SPG7: variants seen among roughly 807,000 people sequenced by gnomAD.
The protein encoded by SPG7 is SPG7 matrix AAA peptidase subunit, paraplegin, also known as mitochondrial inner membrane m-AAA protease component paraplegin.
Under a neutral mutation model 81.9 loss-of-function variants are expected in SPG7, and 103 were observed. That is an observed-to-expected ratio of 1.26 (90% CI 1.07 to 1.48). The LOEUF (loss-of-function observed/expected upper bound fraction) is 1.48. Among genes scored for constraint, SPG7 ranks in the 40% most tolerant of loss-of-function variants. The probability of loss-of-function intolerance (pLI) is 0.00; values close to 1 mark genes in which losing one functional copy is unlikely to be tolerated. For synonymous variants in SPG7, 534 were observed against 444.2 expected (o/e 1.20, Z -2.54); for missense variants, 1,241 against 1,087.3 (o/e 1.14, Z -1.99).
chr16:89,527,953 C>T (rs897422664), intron 5 of SPG7, among the ~76,000 whole-genome samples: 1 of 151,860 alleles, frequency 6.6e-6, no homozygotes, highest in Admixed American at 6.6e-5. Flanking sequence ...AAAGATGCAC[C>T]TTTAATTCTA....
At chr16:89,536,856 G>A in intron 9 of SPG7, 1 of 1,614,164 alleles carries the variant, frequency 6.2e-7, no homozygotes, top group Non-Finnish European at 8.5e-7. Flanking sequence ...AGCCCACAGG[G>A]TCACGGAGGG....
intron 9 of SPG7, chr16:89,541,127 T>C (rs1024037684): frequency 3.1e-6 from 3 of 980,778 alleles, no homozygotes; most frequent in African/African-American, 1.8e-5. Context: ...GAAACTGGTG[T>C]ATCCTTATCA....
At chr16:89,556,816 C>T (rs1597668473) in intron 16 of SPG7, 71 bp from the exon 17 acceptor site, 2 of 1,269,140 alleles carry the variant, frequency 1.6e-6, no homozygotes, top group South Asian at 1.2e-5. Flanking sequence ...CGCCTCTTGC[C>T]ACCTCCCCAG....
At chr16:89,542,386 T>G (rs1402627170) in intron 9 of SPG7, 1 of 152,164 alleles carries the variant, frequency 6.6e-6, no homozygotes, top group Non-Finnish European at 1.5e-5. Context: ...ACAAGGCACT[T>G]GTGCTTCTGC....
rs925748573 is a variant in SPG7, at chr16:89,513,998, C to T, written c.376+961C>T. Among the ~76,000 whole-genome samples, 5 of 152,196 alleles carry T rather than the reference C, an allele frequency of 3.3e-5. No homozygotes were observed. The East Asian group carries it at 9.6e-4, about 29-fold the overall frequency. On this transcript the variant is annotated intron_variant, in intron 3 of 16. Transcript: ENST00000645818. Reference sequence around the variant, plus strand: ...TTCTTGATTGATTTTGTGTGAGACGCTGCATTTGCCAAGGCCAGGGACAGC... The same window carrying T: ...TTCTTGATTGATTTTGTGTGAGACGTTGCATTTGCCAAGGCCAGGGACAGC...
Position 89,557,367 on chromosome 16 carries a change from G to A in SPG7, c.*274G>A, listed in dbSNP as rs2058697900. 4 of 495,228 alleles carry A rather than the reference G, an allele frequency of 8.1e-6. No individual in the cohort carries two copies. Among genetic ancestry groups the A allele is most frequent in the Non-Finnish European group, 1.5e-5 (4 of 271,082 alleles). The allele number at this position is 495,228 out of a possible 1,614,324, so 30.7% of individuals were successfully genotyped here. A position where few individuals can be genotyped will look rare whatever the true frequency, so the allele number is the denominator to read the frequency against. On this transcript the variant is annotated 3_prime_UTR_variant, in exon 17 of 17. Coordinates refer to ENST00000645818, the MANE Select transcript of SPG7 (RefSeq NM_003119.4). The stretch of plus-strand genomic sequence containing the variant: ...GAGCATGGAACACTTCGAGTTCCCA[G>A]GGTTATAGACAGTCGTTCCCAGTGT...
chr16:89,531,226 A>G (rs1417565315), intron 7 of SPG7: 3 of 341,850 alleles, frequency 8.8e-6, no homozygotes, highest in South Asian at 2.4e-5. Flanking sequence ...AGGGGCTGAC[A>G]TGTGTTCCCT....
intron 9 of SPG7, chr16:89,538,395 A>C (rs1053933012): frequency 6.6e-6 from 1 of 152,210 alleles, no homozygotes; most frequent in Non-Finnish European, 1.5e-5. Flanking sequence ...CAGAATGGAC[A>C]GTGAGCCTGG....
At chr16:89,523,756 C>CTTTTA in intron 3 of SPG7, 3 of 512,206 alleles carry the variant, frequency 5.9e-6, no homozygotes, top group East Asian at 5.3e-5. Context: ...AAATGGTTTC[C>CTTTTA]TCTTAGGTGG....
At chr16:89,530,642 T>C in intron 6 of SPG7, 41 bp from the exon 7 acceptor site, 1 of 1,613,964 alleles carries the variant, frequency 6.2e-7, no homozygotes, top group Middle Eastern at 1.7e-4. Context: ...GCTGATTTCC[T>C]GACTTCGCCC....
At chr16:89,556,040 G>A in intron 16 of SPG7, 1 of 398,846 alleles carries the variant, frequency 2.5e-6, no homozygotes, top group Non-Finnish European at 4.4e-6. Context: ...GCTCTGCAGA[G>A]CTCGGGCACA....
rs756722955 is a variant in SPG7, at chr16:89,557,061, C to G, written c.2356C>G (p.Leu786Val). 6.2e-7 allele frequency: 1 copy of G among 1,612,064 alleles called. No homozygotes were observed. The highest frequency in any genetic ancestry group is 8.5e-7 in the Non-Finnish European group (1 of 1,179,998). The part of the protein sequence containing the change: ...EETEETQQPP[L>V]GGEEPTWPK ...GACCGAAGAGACCCAGCAGCCTCCA[C>G]TTGGAGGCGAAGAGCCGACTTGGCC... The change falls in exon 17 of 17, where the codon CTT becomes GTT. Residue 786 changes from leucine to valine, a missense_variant. Coordinates refer to ENST00000645818, the MANE Select transcript of SPG7 (RefSeq NM_003119.4).
chr16:89,529,649 C>A, intron 6 of SPG7, 70 bp downstream of exon 6: 1 of 1,165,912 alleles, frequency 8.6e-7, no homozygotes, highest in Non-Finnish European at 1.3e-6. Flanking sequence ...TTCCCATAAG[C>A]TATACGATGA....
At chr16:89,513,378 T>C (rs2058048361) in intron 3 of SPG7, among the ~76,000 whole-genome samples, 1 of 151,976 alleles carries the variant, frequency 6.6e-6, no homozygotes, top group African/African-American at 2.4e-5. Context: ...TAGCCGGGCG[T>C]GATGGCACAC....
intron 5 of SPG7, chr16:89,526,924 G>A (rs935969862): frequency 6.3e-6 from 1 of 158,014 alleles, no homozygotes; most frequent in South Asian, 7.5e-5. Context: ...CCCCGACGTA[G>A]GATGGCGAAG....
At chr16:89,550,116 G>C (rs2058616499) in intron 12 of SPG7, 1 of 349,216 alleles carries the variant, frequency 2.9e-6, no homozygotes, top group Admixed American at 3.8e-5. Flanking sequence ...ACCACACGGG[G>C]CAGGAGCAGG....
At position 89,532,627 on chromosome 16, in the gene SPG7, G is replaced by A; in HGVS notation, c.1315G>A (p.Glu439Lys). 1 of 1,613,578 alleles carries A rather than the reference G, an allele frequency of 6.2e-7. No individual in the cohort carries two copies. Among genetic ancestry groups the A allele is most frequent in the Non-Finnish European group, 8.5e-7 (1 of 1,180,040 alleles). ...GCAGACGCTCAACCAGCTTCTGGTAGAAATGGATGGTCAGTGCTCGTGCGC... is the reference window on the plus strand; with the variant it reads ...GCAGACGCTCAACCAGCTTCTGGTAAAAATGGATGGTCAGTGCTCGTGCGC... The part of the protein sequence containing the change: ...EEQTLNQLLV[E>K]MDGMGTTDHV... Residue 439 changes from glutamate (E) to lysine (K), a missense_variant, in exon 9 of 17, where the codon GAA (glutamate) becomes AAA (lysine). Physicochemically the swap from Glu to Lys is moderately conservative, Grantham distance 56 (BLOSUM62 1). Coordinates refer to ENST00000645818, the MANE Select transcript of SPG7 (RefSeq NM_003119.4).
chr16:89,556,480 T>G (rs146683947), intron 16 of SPG7: 1 of 311,186 alleles, frequency 3.2e-6, no homozygotes, highest in African/African-American at 2.2e-5. Flanking sequence ...TGGCAGAAAT[T>G]CACTTCCCCA....
At chr16:89,548,332 G>A in intron 12 of SPG7, 3 of 500,380 alleles carry the variant, frequency 6.0e-6, no homozygotes, top group Non-Finnish European at 1.1e-5. Flanking sequence ...TCGTCCAACA[G>A]AAATAAAAAA....
Sources: allele counts gnomAD v4.1 joint callset (sites outside exome capture counted in the v4.1 genomes callset), GRCh38; gene constraint gnomAD v4.1.1; transcripts MANE v1.5; gene names NCBI Gene and HGNC (gene_info 2026-07-23, HGNC 2026-07-21).